KCNB2: variants seen among roughly 807,000 people sequenced by gnomAD.
KCNB2 encodes the protein potassium voltage-gated channel subfamily B member 2, also known as delayed rectifier potassium channel protein.
Under a neutral mutation model 61.5 loss-of-function variants are expected in KCNB2, and 15 were observed. That is an observed-to-expected ratio of 0.24 (90% CI 0.16 to 0.38). KCNB2 has a LOEUF of 0.38. KCNB2 is among the 10% of genes least tolerant of loss of function. The probability of loss-of-function intolerance (pLI) is 1.00; values close to 1 mark genes in which losing one functional copy is unlikely to be tolerated. For synonymous variants in KCNB2, 457 were observed against 446.0 expected (o/e 1.02, Z -0.31); for missense variants, 828 against 1,125.2 (o/e 0.74, Z 3.78).
intron 2 of KCNB2, among the ~76,000 whole-genome samples, chr8:72,768,851 C>T (rs1419714675): frequency 6.6e-6 from 1 of 152,062 alleles, no homozygotes; most frequent in African/African-American, 2.4e-5. Flanking sequence ...TTGGCACCCT[C>T]CTCATTCTTT....
At chr8:72,719,507 G>A (rs1026275435) in intron 2 of KCNB2, among the ~76,000 whole-genome samples, 2 of 151,792 alleles carry the variant, frequency 1.3e-5, no homozygotes, top group Non-Finnish European at 2.9e-5. Flanking sequence ...TAGCAATTAG[G>A]CACTTACCAA....
intron 2 of KCNB2, among the ~76,000 whole-genome samples, chr8:72,833,437 T>G (rs7000045): frequency 0.22 from 34,163 of 152,046 alleles, 4,220 homozygotes; most frequent in Non-Finnish European, 0.28. Context: ...AATAGTGAGG[T>G]TCTAGCATAG....
At chr8:72,796,480 A>G (rs1379287974) in intron 2 of KCNB2, among the ~76,000 whole-genome samples, 1 of 152,208 alleles carries the variant, frequency 6.6e-6, no homozygotes, top group Non-Finnish European at 1.5e-5. Context: ...AATTTATTTT[A>G]TCATTATTTC....
intron 2 of KCNB2, among the ~76,000 whole-genome samples, chr8:72,776,109 G>A (rs1360437658): frequency 1.3e-5 from 2 of 152,146 alleles, no homozygotes; most frequent in Admixed American, 6.5e-5. Context: ...TAGGGACATG[G>A]ATGAAGCTGG....
intron 2 of KCNB2, among the ~76,000 whole-genome samples, chr8:72,901,581 A>G (rs572286999): frequency 6.6e-6 from 1 of 152,280 alleles, no homozygotes; most frequent in East Asian, 1.9e-4. Context: ...GTACAGCTGC[A>G]CAGTGCTCCA....
chr8:72,661,753 A>C (rs1037264948), intron 2 of KCNB2, among the ~76,000 whole-genome samples: 2 of 152,178 alleles, frequency 1.3e-5, no homozygotes, highest in African/African-American at 4.8e-5. Context: ...TGCATCTTCT[A>C]AAAACTGAAT....
chr8:72,641,052 T>C (rs1197864903), intron 2 of KCNB2, among the ~76,000 whole-genome samples: 1 of 152,038 alleles, frequency 6.6e-6, no homozygotes, highest in Non-Finnish European at 1.5e-5. Context: ...CAATGAGAAT[T>C]TTGAAAATGG....
At chr8:72,809,431 G>A (rs1186719345) in intron 2 of KCNB2, among the ~76,000 whole-genome samples, 2 of 152,144 alleles carry the variant, frequency 1.3e-5, no homozygotes, top group African/African-American at 4.8e-5. Context: ...AAGAGACAAT[G>A]TTGAACTTGG....
At chr8:72,767,698 G>A (rs1389584908) in intron 2 of KCNB2, among the ~76,000 whole-genome samples, 1 of 152,190 alleles carries the variant, frequency 6.6e-6, no homozygotes, top group African/African-American at 2.4e-5. Flanking sequence ...ATTCATGTAT[G>A]AGTTTTTGTG....
rs140320174 is a variant in KCNB2 at position 72,730,767 on chromosome 8, G to A, written c.579+162454G>A. Among the ~76,000 whole-genome samples, 25 of 152,180 alleles carry A rather than the reference G, an allele frequency of 1.6e-4. No homozygotes were observed. In the East Asian group the frequency reaches 2.7e-3, roughly 16 times the overall value. ...ATTTTTTAAACATCAGAATCATAAC[G>A]TGTAATTAAGCCCAATGTTGAACTA... On this transcript the variant is annotated intron_variant, in intron 2 of 2. Coordinates refer to ENST00000523207, the MANE Select transcript of KCNB2 (RefSeq NM_004770.3).
At position 72,631,636 on chromosome 8, in the gene KCNB2, G is replaced by A. The variant is rs879710936; in HGVS notation, c.579+63323G>A. On this transcript the variant is annotated intron_variant, in intron 2 of 2. Transcript: ENST00000523207. ...GTTTAAGACTTCAACGTAACTTTGT[G>A]GGGAGGACACAATTCAACCCATAAC... Among the ~76,000 whole-genome samples the A allele has an allele frequency of 1.7e-4, 26 of 152,116 alleles. 1 individual carries two copies. Among genetic ancestry groups the A allele is most frequent in the Admixed American group, 6.5e-5 (1 of 15,272 alleles).
rs576458821 is a variant in KCNB2 at position 72,744,633 on chromosome 8, A to T, written c.579+176320A>T. 1.9e-3 allele frequency among the ~76,000 whole-genome samples: 285 copies of T among 152,138 alleles called. 3 individuals are homozygous for T. The highest frequency in any genetic ancestry group is 4.4e-3 in the South Asian group (21 of 4,814). ...TAGAGGAAAGATGGGGAGCCTTTCCACTCCCTCTGGATACCTCTGGAAGGA... is the reference window on the plus strand; with the variant it reads ...TAGAGGAAAGATGGGGAGCCTTTCCTCTCCCTCTGGATACCTCTGGAAGGA... On this transcript the variant is annotated intron_variant, in intron 2 of 2. Transcript: ENST00000523207.
chr8:72,894,387 C>A (rs1250762586), intron 2 of KCNB2, among the ~76,000 whole-genome samples: 1 of 152,106 alleles, frequency 6.6e-6, no homozygotes, highest in Non-Finnish European at 1.5e-5. Context: ...AAAGGATTTG[C>A]ATTTTATTCT....
intron 2 of KCNB2, among the ~76,000 whole-genome samples, chr8:72,728,293 A>G (rs373773196): frequency 2.0e-5 from 3 of 152,158 alleles, no homozygotes; most frequent in Non-Finnish European, 2.9e-5. Flanking sequence ...TAATGCTTTC[A>G]TTTAGCCTGG....
chr8:72,912,839 C>T (rs1194528096), intron 2 of KCNB2, among the ~76,000 whole-genome samples: 1 of 152,052 alleles, frequency 6.6e-6, no homozygotes, highest in East Asian at 1.9e-4. Flanking sequence ...GAGATTATCC[C>T]AAGGGATGCT....
At chr8:72,857,417 C>T (rs922632052) in intron 2 of KCNB2, among the ~76,000 whole-genome samples, 3 of 152,142 alleles carry the variant, frequency 2.0e-5, no homozygotes, top group African/African-American at 7.2e-5. Flanking sequence ...GAAGCTAGCC[C>T]TTCTAGGAGT....
intron 2 of KCNB2, among the ~76,000 whole-genome samples, chr8:72,806,107 C>G (rs1455687488): frequency 6.6e-6 from 1 of 152,118 alleles, no homozygotes; most frequent in Non-Finnish European, 1.5e-5. Flanking sequence ...CGCCTGTAAT[C>G]CTAGCACTTT....
At chr8:72,665,434 C>CT (rs1806451843) in intron 2 of KCNB2, among the ~76,000 whole-genome samples, 1 of 152,100 alleles carries the variant, frequency 6.6e-6, no homozygotes. Context: ...AGACCTGCTG[C>CT]TTGTCCCTCC....
At chr8:72,769,585 C>T (rs1319308581) in intron 2 of KCNB2, among the ~76,000 whole-genome samples, 1 of 152,112 alleles carries the variant, frequency 6.6e-6, no homozygotes, top group Non-Finnish European at 1.5e-5. Flanking sequence ...TGGAGGGAAG[C>T]GACCCTCAGG....
Sources: gnomAD v4.1 joint callset for allele counts (sites outside exome capture counted in the v4.1 genomes callset) on GRCh38, gnomAD v4.1.1 for gene constraint, MANE v1.5 for transcripts, NCBI Gene and HGNC (gene_info 2026-07-23, HGNC 2026-07-21) for gene names.